The following FRMD5 variants were observed in gnomAD, a reference collection of about 807,000 sequenced individuals.
The protein encoded by FRMD5 is FERM domain-containing protein 5.
FRMD5 carries 20 observed loss-of-function variants against 69.0 expected under a neutral mutation model. The ratio of observed to expected loss-of-function variants is 0.29; its 90% confidence interval spans 0.20 to 0.42. The LOEUF (loss-of-function observed/expected upper bound fraction) is 0.42, where lower values mean the gene tolerates loss of function less well. Among genes scored for constraint, FRMD5 ranks in the 10% least tolerant of loss-of-function variants. The pLI, the probability that FRMD5 is intolerant of heterozygous loss-of-function variation, is 1.00. For missense variants in FRMD5, 595 were observed against 708.6 expected, an observed-to-expected ratio of 0.84 and a Z score of 1.82; for synonymous variants, 271 against 260.1, an observed-to-expected ratio of 1.04 and a Z score of -0.40.
chr15:44,110,720 C>A (rs1447636037), intron 1 of FRMD5, among the ~76,000 whole-genome samples: 2 of 152,200 alleles, frequency 1.3e-5, no homozygotes, highest in East Asian at 3.8e-4. Flanking sequence ...CAAAGGTTAG[C>A]ATTTTCTAAT....
chr15:44,065,532 T>G (rs1893272603), intron 1 of FRMD5, among the ~76,000 whole-genome samples: 1 of 152,204 alleles, frequency 6.6e-6, no homozygotes, highest in African/African-American at 2.4e-5. Flanking sequence ...AATAACACTA[T>G]GCATATGATG....
At chr15:44,093,875 A>G (rs1008412965) in intron 1 of FRMD5, among the ~76,000 whole-genome samples, 1 of 151,988 alleles carries the variant, frequency 6.6e-6, no homozygotes, top group African/African-American at 2.4e-5. Context: ...CCCGGCCCCT[A>G]ATATCTTAAT....
chr15:43,950,351 G>A (rs749027383), intron 1 of FRMD5, among the ~76,000 whole-genome samples: 6 of 152,174 alleles, frequency 3.9e-5, no homozygotes, highest in African/African-American at 1.4e-4. Context: ...AAGGGAGCAG[G>A]CCATTGTCTG....
chr15:44,057,097 G>A (rs978457572), intron 1 of FRMD5, among the ~76,000 whole-genome samples: 2 of 151,564 alleles, frequency 1.3e-5, no homozygotes, highest in South Asian at 2.1e-4. Context: ...GAGATGGGCA[G>A]ATAAATTCCC....
chr15:43,881,105 GT>G (rs918532052), intron 13 of FRMD5, among the ~76,000 whole-genome samples: 1 of 152,160 alleles, frequency 6.6e-6, no homozygotes, highest in African/African-American at 2.4e-5. Context: ...ATTCTTCCCT[GT>G]TCTGGGAAGT....
chr15:44,184,771 A>C (rs2078070759), intron 1 of FRMD5, among the ~76,000 whole-genome samples: 1 of 152,268 alleles, frequency 6.6e-6, no homozygotes, highest in Admixed American at 6.5e-5. Context: ...AAAGTGAAAA[A>C]AAAGTAAAAT....
intron 1 of FRMD5, among the ~76,000 whole-genome samples, chr15:43,995,671 A>ATC (rs750595357): frequency 6.7e-6 from 1 of 150,330 alleles, no homozygotes; most frequent in Non-Finnish European, 1.5e-5. Context: ...TGAAGCTTGG[A>ATC]TCTGTAGGGG....
At chr15:44,169,288 A>G (rs2140523515) in intron 1 of FRMD5, among the ~76,000 whole-genome samples, 1 of 152,288 alleles carries the variant, frequency 6.6e-6, no homozygotes, top group South Asian at 2.1e-4. Flanking sequence ...AGGAAAATGT[A>G]AAACAGTCCC....
intron 1 of FRMD5, among the ~76,000 whole-genome samples, chr15:44,101,748 G>A (rs2076643989): frequency 6.6e-6 from 1 of 152,200 alleles, no homozygotes; most frequent in African/African-American, 2.4e-5. Context: ...AATCTCTAGG[G>A]ATGGAGCCTG....
At chr15:43,936,972 T>C (rs1285941117) in intron 1 of FRMD5, among the ~76,000 whole-genome samples, 1 of 152,134 alleles carries the variant, frequency 6.6e-6, no homozygotes, top group Admixed American at 6.6e-5. Flanking sequence ...AAACTAATAA[T>C]TACATTTGCT....
At chr15:44,081,028 C>T (rs983733020) in intron 1 of FRMD5, among the ~76,000 whole-genome samples, 2 of 152,010 alleles carry the variant, frequency 1.3e-5, no homozygotes, top group Non-Finnish European at 2.9e-5. Context: ...ACCATACTCT[C>T]CTTGCATACC....
At chr15:43,989,737 A>G in intron 1 of FRMD5, 2 of 1,015,382 alleles carry the variant, frequency 2.0e-6, no homozygotes, top group Non-Finnish European at 3.1e-6. Flanking sequence ...TCACGATGTC[A>G]GTGGTAGGCC....
At chr15:43,993,322 A>G (rs1185908057) in intron 1 of FRMD5, among the ~76,000 whole-genome samples, 1 of 152,148 alleles carries the variant, frequency 6.6e-6, no homozygotes, top group Non-Finnish European at 1.5e-5. Flanking sequence ...CCTCCCGAGT[A>G]GCTGGGACTA....
At position 44,075,931 on chromosome 15, in the gene FRMD5, T is replaced by C. The variant is rs942728084; in HGVS notation, c.102+119022A>G. On this transcript the variant is annotated intron_variant, in intron 1 of 13. Transcript: ENST00000417257. ...TGATGGCCAGTGATGATGAGCATTT[T>C]TTCATGTGTTTTTTGGCTGCATAAA... Among the ~76,000 whole-genome samples the C allele has an allele frequency of 2.0e-5, 3 of 152,194 alleles. No individual in the cohort carries two copies. The South Asian group carries it at 6.2e-4, about 32-fold the overall frequency.
intron 1 of FRMD5, among the ~76,000 whole-genome samples, chr15:44,121,102 A>G (rs923643663): frequency 6.6e-6 from 1 of 152,146 alleles, no homozygotes; most frequent in African/African-American, 2.4e-5. Context: ...AGAAGCTGCA[A>G]AGAATTCAAA....
chr15:44,069,910 G>A lies in FRMD5; in HGVS notation c.102+125043C>T, dbSNP rs1012078503. Among the ~76,000 whole-genome samples, 12 of 152,210 alleles carry A rather than the reference G, an allele frequency of 7.9e-5. No homozygotes were observed. The East Asian group carries it at 1.9e-3, about 24-fold the overall frequency. ...TTTTTAAAAAATAGCTCAGGTTAAG[G>A]GGGAGGCAAGACAAATCAAAATCTG... On this transcript the variant is annotated intron_variant, in intron 1 of 13. Coordinates refer to ENST00000417257, the MANE Select transcript of FRMD5 (RefSeq NM_032892.5).
chr15:43,914,724 T>TTTTTTTTTC (rs2089352699), intron 4 of FRMD5, among the ~76,000 whole-genome samples: 2 of 110,300 alleles, frequency 1.8e-5, no homozygotes, highest in African/African-American at 5.3e-5. Context: ...GGTGACTACC[T>TTTTTTTTTC]TTTTTTTTTT....
intron 1 of FRMD5, among the ~76,000 whole-genome samples, chr15:44,050,549 T>G (rs1354673579): frequency 9.5e-6 from 1 of 105,082 alleles, no homozygotes; most frequent in Admixed American, 1.1e-4. Context: ...TTTTTTTTTT[T>G]GGTAGAGATA....
chr15:43,894,722 G>T (rs2088874300), intron 7 of FRMD5, among the ~76,000 whole-genome samples: 2 of 152,220 alleles, frequency 1.3e-5, no homozygotes, highest in Non-Finnish European at 2.9e-5. Flanking sequence ...CTTCCACTCT[G>T]GCTCATATGG....
Sources: gnomAD v4.1 joint callset for allele counts (sites outside exome capture counted in the v4.1 genomes callset) on GRCh38, gnomAD v4.1.1 for gene constraint, MANE v1.5 for transcripts, NCBI Gene and HGNC (gene_info 2026-07-23, HGNC 2026-07-21) for gene names.